Variants in PDE4D observed in about 807,000 individuals in gnomAD.
PDE4D encodes the protein phosphodiesterase 4D, also known as 3',5'-cyclic-AMP phosphodiesterase 4D.
In PDE4D, 24 loss-of-function variants were observed where a neutral mutation model predicts 87.4. That is an observed-to-expected ratio of 0.27 (90% CI 0.20 to 0.39). PDE4D has a LOEUF of 0.39. PDE4D is among the 10% of genes least tolerant of loss of function. The probability of loss-of-function intolerance (pLI) is 1.00; values close to 1 mark genes in which losing one functional copy is unlikely to be tolerated. For synonymous variants in PDE4D, 384 were observed against 383.2 expected (o/e 1.00, Z -0.02); for missense variants, 714 against 1,041.0 (o/e 0.69, Z 4.32).
chr5:59,727,455 T>C (rs1307306064), intron 1 of PDE4D, among the ~76,000 whole-genome samples: 2 of 152,060 alleles, frequency 1.3e-5, no homozygotes, highest in South Asian at 4.1e-4. Flanking sequence ...ATTACATTCA[T>C]GAAGAAAAAA....
intron 1 of PDE4D, among the ~76,000 whole-genome samples, chr5:59,415,655 G>C (rs1431196854): frequency 6.6e-6 from 1 of 151,894 alleles, no homozygotes; most frequent in Non-Finnish European, 1.5e-5. Flanking sequence ...GTATAATTGA[G>C]GACAATTGGG....
At chr5:59,544,127 A>T (rs200415742) in intron 1 of PDE4D, among the ~76,000 whole-genome samples, 1 of 152,024 alleles carries the variant, frequency 6.6e-6, no homozygotes, top group Non-Finnish European at 1.5e-5. Context: ...GCAGGAGGGG[A>T]GGTGTGGAAA....
chr5:59,932,539 C>A lies in PDE4D; in HGVS notation c.272+55949G>T, dbSNP rs116712755. Among the ~76,000 whole-genome samples the A allele has an allele frequency of 5.4e-3, 828 of 152,276 alleles. 8 individuals carry two copies. Among genetic ancestry groups the A allele is most frequent in the African/African-American group, 0.019 (790 of 41,548 alleles). On this transcript the variant is annotated intron_variant, in intron 3 of 16. Transcript: ENST00000502484. Reference sequence around the variant, plus strand: ...ACTGAGGCAGAGTGGGGTTAAGTAACCTGCCTAAGGTCCAAAGTAAGTGGT... The same window carrying A: ...ACTGAGGCAGAGTGGGGTTAAGTAAACTGCCTAAGGTCCAAAGTAAGTGGT...
intron 1 of PDE4D, among the ~76,000 whole-genome samples, chr5:59,289,250 G>A (rs1767557013): frequency 6.6e-6 from 1 of 151,974 alleles, no homozygotes; most frequent in Non-Finnish European, 1.5e-5. Context: ...TTGTTAGTTT[G>A]TTTATGCAAT....
intron 1 of PDE4D, among the ~76,000 whole-genome samples, chr5:59,383,812 A>G (rs1258772039): frequency 6.6e-6 from 1 of 152,212 alleles, no homozygotes; most frequent in Non-Finnish European, 1.5e-5. Flanking sequence ...TCACACAAAT[A>G]TTTACATGCT....
chr5:59,492,089 T>C (rs529762962), intron 1 of PDE4D, among the ~76,000 whole-genome samples: 4 of 152,308 alleles, frequency 2.6e-5, no homozygotes, highest in African/African-American at 9.6e-5. Flanking sequence ...AACAAATTTC[T>C]TGGGCCTAAA....
chr5:60,515,619 T>TTTTG (rs1561326958), intron 1 of PDE4D, among the ~76,000 whole-genome samples: 1 of 145,612 alleles, frequency 6.9e-6, no homozygotes, highest in African/African-American at 2.7e-5. Context: ...TTTTTTTTTT[T>TTTTG]CTGTCAGGAT....
At chr5:59,207,311 C>T (rs1022737786) in intron 2 of PDE4D, among the ~76,000 whole-genome samples, 1 of 152,142 alleles carries the variant, frequency 6.6e-6, no homozygotes, top group African/African-American at 2.4e-5. Context: ...TGAGAGTACA[C>T]TAGTGTACCT....
At chr5:59,498,735 C>A (rs1807688000) in intron 1 of PDE4D, among the ~76,000 whole-genome samples, 1 of 151,960 alleles carries the variant, frequency 6.6e-6, no homozygotes, top group Non-Finnish European at 1.5e-5. Context: ...ACTTAACTAT[C>A]CTAAATATAT....
intron 2 of PDE4D, among the ~76,000 whole-genome samples, chr5:60,081,542 C>T (rs1773954021): frequency 6.6e-6 from 1 of 152,064 alleles, no homozygotes; most frequent in Non-Finnish European, 1.5e-5. Flanking sequence ...CTATAAATTT[C>T]CCTCTTAATA....
chr5:59,065,241 A>C (rs1763757712), intron 5 of PDE4D, among the ~76,000 whole-genome samples: 1 of 152,106 alleles, frequency 6.6e-6, no homozygotes, highest in Non-Finnish European at 1.5e-5. Context: ...CAGAAGGACA[A>C]ATACTGCATG....
At chr5:59,271,507 G>T (rs932452573) in intron 1 of PDE4D, among the ~76,000 whole-genome samples, 5 of 151,976 alleles carry the variant, frequency 3.3e-5, no homozygotes, top group Non-Finnish European at 7.4e-5. Context: ...CCATCTTTTT[G>T]ATTCTCAATT....
intron 1 of PDE4D, among the ~76,000 whole-genome samples, chr5:59,357,340 T>G (rs1456960973): frequency 6.6e-6 from 1 of 152,220 alleles, no homozygotes; most frequent in Non-Finnish European, 1.5e-5. Context: ...TGACAAAGAT[T>G]ACTAAATTTC....
chr5:59,540,363 CA>C (rs200679838), intron 1 of PDE4D, among the ~76,000 whole-genome samples: 11 of 150,744 alleles, frequency 7.3e-5, no homozygotes, highest in Admixed American at 2.0e-4. Flanking sequence ...AAAACGAAAA[CA>C]AAAAAAACCA....
chr5:59,809,809 A>C (rs1003324051), intron 1 of PDE4D, among the ~76,000 whole-genome samples: 2 of 152,202 alleles, frequency 1.3e-5, no homozygotes, highest in Non-Finnish European at 2.9e-5. Context: ...CTCCTGACTT[A>C]GATTCAGAGT....
At chr5:59,330,679 T>C (rs1776563213) in intron 1 of PDE4D, among the ~76,000 whole-genome samples, 2 of 152,182 alleles carry the variant, frequency 1.3e-5, no homozygotes, top group African/African-American at 4.8e-5. Flanking sequence ...ATAATGTCTT[T>C]TAGTTTATTT....
intron 5 of PDE4D, among the ~76,000 whole-genome samples, chr5:59,103,686 G>A (rs184570349): frequency 1.6e-4 from 24 of 152,250 alleles, no homozygotes; most frequent in Admixed American, 8.5e-4. Flanking sequence ...GGTTTGAGAC[G>A]AGTTTGAAGA....
intron 5 of PDE4D, among the ~76,000 whole-genome samples, chr5:59,046,472 T>G (rs1760721238): frequency 6.7e-6 from 1 of 150,306 alleles, no homozygotes; most frequent in South Asian, 2.1e-4. Flanking sequence ...GGAGTCAGCT[T>G]GGTCTAAAGG....
intron 2 of PDE4D, among the ~76,000 whole-genome samples, chr5:59,215,121 T>C (rs920764843): frequency 2.0e-5 from 3 of 152,198 alleles, no homozygotes; most frequent in Non-Finnish European, 1.5e-5. Flanking sequence ...TGAAATGCAC[T>C]GAGAAAATGA....
Sources: gnomAD v4.1 joint callset for allele counts (sites outside exome capture counted in the v4.1 genomes callset) on GRCh38, gnomAD v4.1.1 for gene constraint, MANE v1.5 for transcripts, NCBI Gene and HGNC (gene_info 2026-07-23, HGNC 2026-07-21) for gene names.